Variants in PGBD5 observed in about 807,000 individuals in gnomAD.
PGBD5 encodes the protein piggyBac transposable element-derived protein 5.
Under a neutral mutation model 47.9 loss-of-function variants are expected in PGBD5, and 14 were observed. The observed-to-expected ratio is 0.29, with a 90% CI of 0.19 to 0.46. The LOEUF is 0.46. Among genes scored for constraint, PGBD5 ranks in the 20% least tolerant of loss-of-function variants. PGBD5 has a pLI of 1.00. For missense variants in PGBD5, 635 were observed against 716.0 expected, an observed-to-expected ratio of 0.89 and a Z score of 1.29; for synonymous variants, 316 against 306.3, an observed-to-expected ratio of 1.03 and a Z score of -0.33.
chr1:230,355,969 G>A (rs555651937), intron 2 of PGBD5, among the ~76,000 whole-genome samples: 1 of 152,316 alleles, frequency 6.6e-6, no homozygotes, highest in African/African-American at 2.4e-5. Flanking sequence ...GCTATAGAGA[G>A]TTAGAGAGAG....
At chr1:230,380,070 C>T (rs1029147023) in intron 1 of PGBD5, among the ~76,000 whole-genome samples, 2 of 152,206 alleles carry the variant, frequency 1.3e-5, no homozygotes, top group African/African-American at 4.8e-5. Context: ...GGGCCGTGTG[C>T]TATTTACATT....
chr1:230,342,303 C>G (rs1168278702), intron 3 of PGBD5, among the ~76,000 whole-genome samples: 1 of 152,146 alleles, frequency 6.6e-6, no homozygotes, highest in Non-Finnish European at 1.5e-5. Context: ...AATGAATGAC[C>G]CTACTTCTTT....
chr1:230,419,150 A>T (rs565177193), intron 1 of PGBD5, among the ~76,000 whole-genome samples: 1 of 152,232 alleles, frequency 6.6e-6, no homozygotes, highest in South Asian at 2.1e-4. Flanking sequence ...AAGACACAGA[A>T]TCAACCCAGG....
At chr1:230,340,697 A>T (rs1234061696) in intron 3 of PGBD5, among the ~76,000 whole-genome samples, 1 of 152,138 alleles carries the variant, frequency 6.6e-6, no homozygotes, top group East Asian at 1.9e-4. Context: ...GTGAACGGTT[A>T]TTCATCATCT....
At chr1:230,345,605 T>C (rs1054705616) in intron 3 of PGBD5, among the ~76,000 whole-genome samples, 3 of 152,228 alleles carry the variant, frequency 2.0e-5, no homozygotes, top group Non-Finnish European at 4.4e-5. Flanking sequence ...CTTATGATTT[T>C]TGACTTCATG....
At chr1:230,407,778 G>A (rs1657329186) in intron 1 of PGBD5, among the ~76,000 whole-genome samples, 1 of 152,120 alleles carries the variant, frequency 6.6e-6, no homozygotes, top group Admixed American at 6.6e-5. Flanking sequence ...TTTTCCTCAA[G>A]CGATTATGAG....
chr1:230,400,275 TC>T (rs1413820343), intron 1 of PGBD5, among the ~76,000 whole-genome samples: 1 of 152,168 alleles, frequency 6.6e-6, no homozygotes, highest in Non-Finnish European at 1.5e-5. Context: ...TTTGCTCAAA[TC>T]TTACCTTCTG....
chr1:230,405,269 T>C (rs964450145), intron 1 of PGBD5, among the ~76,000 whole-genome samples: 8 of 152,012 alleles, frequency 5.3e-5, no homozygotes, highest in Non-Finnish European at 8.8e-5. Flanking sequence ...GTTTGACCTG[T>C]GTGGGTCCAC....
At chr1:230,328,697 C>T (rs139406898) in intron 5 of PGBD5, among the ~76,000 whole-genome samples, 12 of 152,324 alleles carry the variant, frequency 7.9e-5, no homozygotes, top group African/African-American at 2.6e-4. Context: ...TAGCACCTTC[C>T]TCGGCTGTTA....
At chr1:230,331,379 G>A (rs1667212469) in intron 5 of PGBD5, among the ~76,000 whole-genome samples, 1 of 152,112 alleles carries the variant, frequency 6.6e-6, no homozygotes, top group Non-Finnish European at 1.5e-5. Context: ...TAGCACCACT[G>A]CACTCCAGCC....
At chr1:230,372,099 C>T (rs958129324) in intron 1 of PGBD5, among the ~76,000 whole-genome samples, 2 of 152,168 alleles carry the variant, frequency 1.3e-5, no homozygotes, top group African/African-American at 4.8e-5. Context: ...GGCGATGCCC[C>T]AAGAGAACTG....
intron 3 of PGBD5, among the ~76,000 whole-genome samples, chr1:230,348,621 C>T (rs1667510893): frequency 6.6e-6 from 1 of 152,192 alleles, no homozygotes; most frequent in African/African-American, 2.4e-5. Flanking sequence ...AGCTGTCAAA[C>T]CAAGATTAGC....
rs191889754 is a variant in PGBD5, at chr1:230,321,768, G to A, written c.*1657C>T. 4 of 152,766 alleles carry A rather than the reference G, an allele frequency of 2.6e-5. No homozygotes were observed. The highest frequency in any genetic ancestry group is 9.6e-5 in the African/African-American group (4 of 41,586). 9.5% of individuals were successfully genotyped at this position (152,766 alleles called of 1,614,324 possible). On this transcript the variant is annotated 3_prime_UTR_variant, in exon 7 of 7. Transcript: ENST00000391860. ...ATTAAACTCAGAAATAGTGGACCTT[G>A]TAGAAAAGCATCACAAATTAAAAAT...
At chr1:230,413,324 G>A (rs1657451030) in intron 1 of PGBD5, among the ~76,000 whole-genome samples, 1 of 152,138 alleles carries the variant, frequency 6.6e-6, no homozygotes, top group Admixed American at 6.5e-5. Flanking sequence ...ATATTCTGGA[G>A]CTGTTAGGGA....
intron 1 of PGBD5, among the ~76,000 whole-genome samples, chr1:230,419,479 T>C (rs1216451467): frequency 6.6e-6 from 1 of 152,164 alleles, no homozygotes; most frequent in Non-Finnish European, 1.5e-5. Flanking sequence ...GGTGATGGGC[T>C]CAATCAGACT....
intron 1 of PGBD5, among the ~76,000 whole-genome samples, chr1:230,389,009 TG>T (rs1483666507): frequency 6.6e-6 from 1 of 152,144 alleles, no homozygotes; most frequent in Admixed American, 6.5e-5. Flanking sequence ...CCCAATGCCC[TG>T]GGAAGACTGG....
rs573717464 is a variant in PGBD5, at chr1:230,319,040, T to C, written c.*4385A>G. 2.0e-5 allele frequency: 3 copies of C among 152,340 alleles called. No individual in the cohort carries two copies. Among genetic ancestry groups the C allele is most frequent in the African/African-American group, 7.2e-5 (3 of 41,554 alleles). 9.4% of individuals were successfully genotyped at this position (152,340 alleles called of 1,614,324 possible). A position where few individuals can be genotyped will look rare whatever the true frequency, so the allele number is the denominator to read the frequency against. On this transcript the variant is annotated 3_prime_UTR_variant, in exon 7 of 7. Transcript: ENST00000391860. ...GAAAGGAGAAAATCCCCCACAAAGTTGTCAGGTAAGTCAGGGATAAAATCC... is the reference window on the plus strand; with the variant it reads ...GAAAGGAGAAAATCCCCCACAAAGTCGTCAGGTAAGTCAGGGATAAAATCC...
intron 1 of PGBD5, among the ~76,000 whole-genome samples, chr1:230,381,196 C>T (rs896158057): frequency 2.0e-5 from 3 of 152,254 alleles, no homozygotes; most frequent in Admixed American, 2.0e-4. Flanking sequence ...AAGTTAGAGC[C>T]AGCACTGAAC....
intron 4 of PGBD5, among the ~76,000 whole-genome samples, chr1:230,334,261 G>A (rs1440404380): frequency 6.6e-6 from 1 of 152,166 alleles, no homozygotes; most frequent in Non-Finnish European, 1.5e-5. Flanking sequence ...CCTAGCAACC[G>A]CACGTGACCA....
Sources: allele counts gnomAD v4.1 joint callset (sites outside exome capture counted in the v4.1 genomes callset), GRCh38; gene constraint gnomAD v4.1.1; transcripts MANE v1.5; gene names NCBI Gene and HGNC (gene_info 2026-07-23, HGNC 2026-07-21).